The following IGFBP2 variants were observed in gnomAD, a reference collection of about 807,000 sequenced individuals.
IGFBP2 encodes insulin like growth factor binding protein 2.
Under a neutral mutation model 26.2 loss-of-function variants are expected in IGFBP2, and 12 were observed. The observed-to-expected ratio is 0.46, with a 90% CI of 0.29 to 0.74. IGFBP2 has a LOEUF of 0.74. IGFBP2 is among the 30% of genes least tolerant of loss of function. The pLI is 0.09. For synonymous variants in IGFBP2, 189 were observed against 200.6 expected, an observed-to-expected ratio of 0.94 and a Z score of 0.49; for missense variants, 328 against 441.2, an observed-to-expected ratio of 0.74 and a Z score of 2.30.
intron 1 of IGFBP2, among the ~76,000 whole-genome samples, chr2:216,651,397 T>C (rs1039537042): frequency 1.2e-4 from 18 of 152,266 alleles, no homozygotes; most frequent in Non-Finnish European, 7.3e-5. Context: ...TTGTATGTGC[T>C]GGCGTGTTTA....
intron 3 of IGFBP2, chr2:216,663,092 G>A (rs9341212): frequency 0.047 from 7,233 of 152,342 alleles, 231 homozygotes; most frequent in African/African-American, 0.089. Context: ...TGATGGCTTA[G>A]GGGTCTCACC....
chr2:216,638,534 A>G (rs1265324168), intron 1 of IGFBP2, among the ~76,000 whole-genome samples: 1 of 152,026 alleles, frequency 6.6e-6, no homozygotes, highest in Non-Finnish European at 1.5e-5. Context: ...AAATAAAAAT[A>G]AAAAGCCATG....
rs866406182 is a variant in IGFBP2, at chr2:216,633,869, G to T, written c.346G>T (p.Gly116Cys). 1 of 1,573,622 alleles carries T rather than the reference G, an allele frequency of 6.4e-7. No individual in the cohort carries two copies. Among genetic ancestry groups the T allele is most frequent in the East Asian group, 2.3e-5 (1 of 42,954 alleles). ...GQGLRCYPHP[G>C]SELPLQALVM... ...GGGGCTGCGCTGCTATCCCCACCCG[G>T]GCTCCGAGCTGCCCCTGCAGGCGCT... The change falls in exon 1 of 4, where the codon GGC becomes TGC. Residue 116 changes from glycine (G) to cysteine (C), a missense_variant. Coordinates refer to ENST00000233809, the MANE Select transcript of IGFBP2 (RefSeq NM_000597.3).
intron 1 of IGFBP2, among the ~76,000 whole-genome samples, chr2:216,645,281 G>T (rs1697689263): frequency 6.6e-6 from 1 of 152,230 alleles, no homozygotes; most frequent in Non-Finnish European, 1.5e-5. Flanking sequence ...TTTTGCGGTT[G>T]AGTAGGGCTG....
intron 1 of IGFBP2, among the ~76,000 whole-genome samples, chr2:216,658,539 TTTA>T: frequency 1.4e-5 from 2 of 138,054 alleles, no homozygotes; most frequent in Non-Finnish European, 3.0e-5. Context: ...TATTTATTTA[TTTA>T]TTTATTTATT....
chr2:216,659,763 A>C, intron 1 of IGFBP2: 1 of 1,532,582 alleles, frequency 6.5e-7, no homozygotes, highest in Non-Finnish European at 8.7e-7. Context: ...TGAAGCTATG[A>C]AGTCGAAGGA....
chr2:216,632,869 C>A (rs1697405603), upstream of IGFBP2: 3 of 152,172 alleles, frequency 2.0e-5, no homozygotes, highest in South Asian at 4.1e-4. Context: ...CCATTCGGGG[C>A]TGTTTGGGTC....
At chr2:216,652,170 A>AT (rs1165765392) in intron 1 of IGFBP2, among the ~76,000 whole-genome samples, 3,376 of 130,912 alleles carry the variant, frequency 0.026, 58 homozygotes, top group Non-Finnish European at 0.032. Flanking sequence ...TTTTAGCAGA[A>AT]TTTTTTTTTT....
intron 1 of IGFBP2, among the ~76,000 whole-genome samples, chr2:216,642,506 C>G (rs1697637458): frequency 6.6e-6 from 1 of 151,678 alleles, no homozygotes; most frequent in Non-Finnish European, 1.5e-5. Context: ...CGGGGTTTCA[C>G]CGTGTTAGCC....
chr2:216,661,101 CT>C (rs959568875), intron 2 of IGFBP2: 1,655 of 337,976 alleles, frequency 4.9e-3, no homozygotes, highest in South Asian at 8.2e-3. Flanking sequence ...CTTGCTTACT[CT>C]TTTTTTTTTC....
rs1361670134 is a variant in IGFBP2 at position 216,661,860 on chromosome 2, T to A, written c.675T>A (p.Thr225=). ...TCCCCTGCTGTCTGTGCGTGCAGAC[T>A]CCCTGCCAACAGGAACTGGACCAGG... The part of the protein sequence containing the change: ...PKKLRPPPAR[T]PCQQELDQVL... Residue 225 remains threonine, a splice_region_variant and synonymous_variant, in exon 3 of 4, where the codon ACT becomes ACA. Coordinates refer to ENST00000233809, the MANE Select transcript of IGFBP2 (RefSeq NM_000597.3). 6.2e-7 allele frequency: 1 copy of A among 1,614,142 alleles called. No individual in the cohort carries two copies.
At chr2:216,634,091 G>C in intron 1 of IGFBP2, 126 bp downstream of exon 1, 1 of 1,363,426 alleles carries the variant, frequency 7.3e-7, no homozygotes, top group South Asian at 1.6e-5. Flanking sequence ...AATCAAGGGG[G>C]ACTGTTGCTA....
chr2:216,652,979 A>G (rs1251451609), intron 1 of IGFBP2, among the ~76,000 whole-genome samples: 1 of 152,234 alleles, frequency 6.6e-6, no homozygotes, highest in Non-Finnish European at 1.5e-5. Flanking sequence ...TAAGATAATC[A>G]TGAGATAGGA....
chr2:216,634,125 G>A lies in IGFBP2; in HGVS notation c.442+160G>A, dbSNP rs952194841. Among the ~76,000 whole-genome samples, 5 of 152,374 alleles carry A rather than the reference G, an allele frequency of 3.3e-5. No homozygotes were observed. In the Middle Eastern group the frequency reaches 0.014, roughly 415 times the overall value. On this transcript the variant is annotated intron_variant, in intron 1 of 3. Coordinates refer to ENST00000233809, the MANE Select transcript of IGFBP2 (RefSeq NM_000597.3). ...TAGCGGGACGCGGAAGTCAGGCCCG[G>A]GGAGGGGAACTGGAGTTAGAGCAAG... is the stretch of plus-strand genomic sequence containing the variant.
rs757426513 is a variant in IGFBP2, at chr2:216,660,705, G to A, written c.591G>A (p.Glu197=). Residue 197 remains glutamate (E), a synonymous_variant, in exon 2 of 4, where the codon GAG becomes GAA. Coordinates refer to ENST00000233809, the MANE Select transcript of IGFBP2 (RefSeq NM_000597.3). The stretch of plus-strand genomic sequence containing the variant: ...CCGTGTTCCGGGAGAAGGTCACTGA[G>A]CAGCACCGGCAGATGGGCAAGGGTG... ...ELAVFREKVT[E]QHRQMGKGGK... The A allele has an allele frequency of 3.1e-6, 5 of 1,613,932 alleles. No homozygotes were observed. The Admixed American group carries it at 5.0e-5, about 16-fold the overall frequency.
At chr2:216,636,978 GC>G (rs1169480097) in intron 1 of IGFBP2, among the ~76,000 whole-genome samples, 1 of 152,044 alleles carries the variant, frequency 6.6e-6, no homozygotes, top group Admixed American at 6.5e-5. Context: ...ATCTGCAGTT[GC>G]CGGGGAAGAA....
At chr2:216,660,022 G>A (rs2106206202) in intron 1 of IGFBP2, among the ~76,000 whole-genome samples, 1 of 152,236 alleles carries the variant, frequency 6.6e-6, no homozygotes, top group Admixed American at 6.5e-5. Context: ...GCCCGGTGAT[G>A]TCTGTGGCAC....
At chr2:216,650,204 C>G (rs188042847) in intron 1 of IGFBP2, among the ~76,000 whole-genome samples, 6 of 152,130 alleles carry the variant, frequency 3.9e-5, no homozygotes, top group Non-Finnish European at 7.3e-5. Flanking sequence ...GTCCAGGGCT[C>G]TTATTTTTAG....
intron 1 of IGFBP2, chr2:216,659,624 G>A: frequency 1.0e-6 from 1 of 972,732 alleles, no homozygotes; most frequent in South Asian, 1.4e-5. Context: ...GTGAGACTGT[G>A]GCAGGCTGGA....
Sources: allele counts gnomAD v4.1 joint callset (sites outside exome capture counted in the v4.1 genomes callset), GRCh38; gene constraint gnomAD v4.1.1; transcripts MANE v1.5; gene names NCBI Gene and HGNC (gene_info 2026-07-23, HGNC 2026-07-21).